Variants in GABRB3 observed in about 807,000 individuals in gnomAD.
The protein encoded by GABRB3 is gamma-aminobutyric acid type A receptor subunit beta3, also known as gamma-aminobutyric acid receptor subunit beta-3.
Under a neutral mutation model 52.1 loss-of-function variants are expected in GABRB3, and 14 were observed. That is an observed-to-expected ratio of 0.27 (90% CI 0.18 to 0.42). GABRB3 has a LOEUF of 0.42. Among genes scored for constraint, GABRB3 ranks in the 10% least tolerant of loss-of-function variants. The pLI, the probability that GABRB3 is intolerant of heterozygous loss-of-function variation, is 1.00. For synonymous variants in GABRB3, 260 were observed against 232.3 expected (o/e 1.12, Z -1.08); for missense variants, 307 against 609.1 (o/e 0.50, Z 5.22).
intron 3 of GABRB3, among the ~76,000 whole-genome samples, chr15:26,695,205 A>G (rs1206296775): frequency 6.6e-6 from 1 of 152,150 alleles, no homozygotes; most frequent in Non-Finnish European, 1.5e-5. Context: ...AAAAATGTAC[A>G]CTTAGGCATA....
intron 8 of GABRB3, among the ~76,000 whole-genome samples, chr15:26,549,641 G>A (rs1889385338): frequency 6.6e-6 from 1 of 152,122 alleles, no homozygotes; most frequent in African/African-American, 2.4e-5. Context: ...AGCATGCCCA[G>A]ATGAACCAAG....
chr15:26,550,560 G>A (rs1048875603), intron 8 of GABRB3, among the ~76,000 whole-genome samples: 1 of 152,190 alleles, frequency 6.6e-6, no homozygotes, highest in Non-Finnish European at 1.5e-5. Context: ...AATTAGTACA[G>A]CCATTATGGA....
chr15:26,654,470 T>A (rs986144292), intron 3 of GABRB3, among the ~76,000 whole-genome samples: 1 of 150,824 alleles, frequency 6.6e-6, no homozygotes, highest in Admixed American at 6.6e-5. Flanking sequence ...TAAAAATGGG[T>A]TTGGCCAAGT....
At position 26,605,986 on chromosome 15, in the gene GABRB3, T is replaced by C. The variant is rs1470834428; in HGVS notation, c.461+15328A>G. 3.9e-5 allele frequency among the ~76,000 whole-genome samples: 6 copies of C among 152,032 alleles called. No individual in the cohort carries two copies. In the South Asian group the frequency reaches 8.3e-4, roughly 21 times the overall value. On this transcript the variant is annotated intron_variant, in intron 4 of 8. Transcript: ENST00000311550. ...AGGCACGTCTTACATGGTCAGAACATGGGGAAGAGAGAGCAAATGGGAAGG... is the reference window on the plus strand; with the variant it reads ...AGGCACGTCTTACATGGTCAGAACACGGGGAAGAGAGAGCAAATGGGAAGG...
At chr15:26,767,875 CATAAA>C (rs918219976) in intron 3 of GABRB3, among the ~76,000 whole-genome samples, 2 of 152,206 alleles carry the variant, frequency 1.3e-5, no homozygotes, top group South Asian at 2.1e-4. Context: ...AGAAGAAAAA[CATAAA>C]ATAATAGTGC....
At chr15:26,645,073 T>C (rs914191044) in intron 3 of GABRB3, among the ~76,000 whole-genome samples, 1 of 152,150 alleles carries the variant, frequency 6.6e-6, no homozygotes, top group African/African-American at 2.4e-5. Flanking sequence ...TGAGAACCCC[T>C]GTCTACAAAA....
intron 8 of GABRB3, chr15:26,553,631 C>T (rs1462287598): frequency 6.6e-6 from 1 of 152,088 alleles, no homozygotes; most frequent in Non-Finnish European, 1.5e-5. Context: ...GCCCAGTCAT[C>T]CACTTCAGGA....
chr15:26,666,461 C>G (rs917216764), intron 3 of GABRB3: 14 of 152,220 alleles, frequency 9.2e-5, no homozygotes, highest in African/African-American at 3.4e-4. Context: ...CCGAGGGCTG[C>G]AGTGACCCTG....
chr15:26,700,534 C>T (rs373360178), intron 3 of GABRB3, among the ~76,000 whole-genome samples: 1 of 152,190 alleles, frequency 6.6e-6, no homozygotes, highest in South Asian at 2.1e-4. Flanking sequence ...AACTGCAGAT[C>T]GGTATCCCTC....
chr15:26,619,596 T>C (rs12911626), intron 4 of GABRB3, among the ~76,000 whole-genome samples: 79,260 of 149,898 alleles, frequency 0.53, 21,483 homozygotes, highest in Non-Finnish European at 0.59. Context: ...TGCAGCGCAC[T>C]AGCATGGCAC....
intron 3 of GABRB3, among the ~76,000 whole-genome samples, chr15:26,678,504 AAGAG>A (rs540807601): frequency 4.4e-4 from 67 of 152,174 alleles, no homozygotes; most frequent in African/African-American, 1.4e-3. Flanking sequence ...ACGAGAAAGA[AAGAG>A]AAAGAAAGCC....
chr15:26,606,966 G>T (rs549797125), intron 4 of GABRB3, among the ~76,000 whole-genome samples: 79 of 152,148 alleles, frequency 5.2e-4, no homozygotes, highest in African/African-American at 1.8e-3. Context: ...TTAATAGTAT[G>T]CACCTCTAAC....
chr15:26,620,207 C>T (rs1326260896), intron 4 of GABRB3, among the ~76,000 whole-genome samples: 1 of 152,142 alleles, frequency 6.6e-6, no homozygotes, highest in East Asian at 1.9e-4. Flanking sequence ...TGAAGGAACA[C>T]GATGGCTTGG....
intron 6 of GABRB3, among the ~76,000 whole-genome samples, chr15:26,569,713 T>C (rs775876259): frequency 2.0e-5 from 3 of 152,218 alleles, no homozygotes; most frequent in Non-Finnish European, 4.4e-5. Flanking sequence ...ACTTTGCAAA[T>C]GTATGAAACC....
chr15:26,710,952 C>T (rs891767661), intron 3 of GABRB3, among the ~76,000 whole-genome samples: 2 of 150,432 alleles, frequency 1.3e-5, no homozygotes, highest in East Asian at 2.0e-4. Flanking sequence ...TTGACTTCTC[C>T]TGGGAGACTG....
intron 6 of GABRB3, among the ~76,000 whole-genome samples, chr15:26,579,752 C>T (rs1050804948): frequency 5.9e-5 from 9 of 152,286 alleles, no homozygotes; most frequent in South Asian, 2.1e-4. Flanking sequence ...GAGCAGAAGA[C>T]GCCATCTCAA....
intron 3 of GABRB3, among the ~76,000 whole-genome samples, chr15:26,731,406 AC>A (rs1169506765): frequency 5.9e-5 from 9 of 152,060 alleles, no homozygotes; most frequent in Non-Finnish European, 1.0e-4. Flanking sequence ...GTTGAATAAA[AC>A]CTTTTTGAGG....
intron 3 of GABRB3, among the ~76,000 whole-genome samples, chr15:26,655,109 G>A (rs1887326889): frequency 6.6e-6 from 1 of 152,146 alleles, no homozygotes; most frequent in Non-Finnish European, 1.5e-5. Context: ...TAAGGATTGT[G>A]AATATTTTGG....
intron 4 of GABRB3, chr15:26,615,663 A>C (rs1183427228): frequency 2.6e-6 from 2 of 783,914 alleles, no homozygotes; most frequent in East Asian, 1.5e-4. Flanking sequence ...GCTCATCTAC[A>C]GCCAAAGGTC....
Sources: gnomAD v4.1 joint callset for allele counts (sites outside exome capture counted in the v4.1 genomes callset) on GRCh38, gnomAD v4.1.1 for gene constraint, MANE v1.5 for transcripts, NCBI Gene and HGNC (gene_info 2026-07-23, HGNC 2026-07-21) for gene names.